Variants in GTF2H1 observed in about 807,000 individuals in gnomAD.
GTF2H1 encodes the protein BTF2 p62.
A neutral mutation model predicts 71.2 loss-of-function variants in GTF2H1; 16 were observed. The observed-to-expected ratio is 0.22, with a 90% CI of 0.15 to 0.34. The LOEUF (loss-of-function observed/expected upper bound fraction) is 0.34, where lower values mean the gene tolerates loss of function less well. GTF2H1 is among the 10% of genes least tolerant of loss of function. The probability of loss-of-function intolerance (pLI) is 1.00; values close to 1 mark genes in which losing one functional copy is unlikely to be tolerated. For synonymous variants in GTF2H1, 215 were observed against 219.0 expected, an observed-to-expected ratio of 0.98 and a Z score of 0.16; for missense variants, 498 against 648.2, an observed-to-expected ratio of 0.77 and a Z score of 2.52.
At chr11:18,347,256 C>G in intron 7 of GTF2H1, 1 of 171,156 alleles carries the variant, frequency 5.8e-6, no homozygotes, top group Admixed American at 6.0e-5. Flanking sequence ...CGCCTGTAAT[C>G]CCAGCTTCTC....
chr11:18,336,382 C>T (rs191464845), intron 3 of GTF2H1, among the ~76,000 whole-genome samples: 99 of 152,312 alleles, frequency 6.5e-4, no homozygotes, highest in African/African-American at 2.3e-3. Context: ...CCCACCTCAG[C>T]CTCCCAAAGT....
At chr11:18,342,655 CTTTAA>C (rs1161658160) in intron 7 of GTF2H1, among the ~76,000 whole-genome samples, 1 of 152,148 alleles carries the variant, frequency 6.6e-6, no homozygotes, top group Non-Finnish European at 1.5e-5. Context: ...ACATGGCCCT[CTTTAA>C]TTATCCTGAG....
intron 7 of GTF2H1, among the ~76,000 whole-genome samples, chr11:18,345,554 A>G (rs1194463999): frequency 6.9e-6 from 1 of 145,852 alleles, no homozygotes; most frequent in African/African-American, 2.6e-5. Context: ...GCTGGAGTTC[A>G]GTGGCGTGAT....
In GTF2H1 at chr11:18,323,100, G is replaced by T. The variant is rs538829346; in HGVS notation, c.-16+360G>T. 4.6e-5 allele frequency among the ~76,000 whole-genome samples: 7 copies of T among 152,228 alleles called. No homozygotes were observed. In the East Asian group the frequency reaches 1.4e-3, roughly 29 times the overall value. ...GTAAGAGAAAAGCTGTCACCTTGTT[G>T]TCTGCACACCTTTTGCTTCCACCTG... On this transcript the variant is annotated intron_variant, in intron 1 of 14. Coordinates refer to ENST00000265963, the MANE Select transcript of GTF2H1 (RefSeq NM_005316.4).
rs573444804 is a variant in GTF2H1 at position 18,339,302 on chromosome 11, T to A, written c.514-262T>A. On this transcript the variant is annotated intron_variant, in intron 4 of 14. Coordinates refer to ENST00000265963, the MANE Select transcript of GTF2H1 (RefSeq NM_005316.4). ...AGTTTTATCTTAAAGCTCCACTGCCTCTCTGCCTTCATACTTAAACATGCC... is the reference window on the plus strand; with the variant it reads ...AGTTTTATCTTAAAGCTCCACTGCCACTCTGCCTTCATACTTAAACATGCC... Among the ~76,000 whole-genome samples the A allele has an allele frequency of 4.9e-4, 75 of 152,342 alleles. 1 individual carries two copies. In the South Asian group the frequency reaches 0.016, roughly 32 times the overall value.
intron 4 of GTF2H1, among the ~76,000 whole-genome samples, chr11:18,338,720 A>T (rs953638245): frequency 6.6e-6 from 1 of 152,166 alleles, no homozygotes; most frequent in African/African-American, 2.4e-5. Flanking sequence ...AAGCTCTGGG[A>T]TTACAAGTAT....
rs1187193227 is a variant in GTF2H1 at position 18,366,613 on chromosome 11, T to G, written c.*744T>G. On this transcript the variant is annotated 3_prime_UTR_variant, in exon 15 of 15. Transcript: ENST00000265963. ...TTTGCAGAAAGTCGCATAGGGTTTT[T>G]TAATGCAGAATTTTGTCAGAAGACA... The G allele has an allele frequency of 2.0e-5, 3 of 152,654 alleles. No individual in the cohort carries two copies. The East Asian group carries it at 5.8e-4, about 29-fold the overall frequency. 9.5% of individuals were successfully genotyped at this position (152,654 alleles called of 1,614,324 possible).
In GTF2H1 at chr11:18,362,605, T is replaced by C. The variant is rs1457821386; in HGVS notation, c.1560+1898T>C. Among the ~76,000 whole-genome samples, 6 of 151,484 alleles carry C rather than the reference T, an allele frequency of 4.0e-5. No homozygotes were observed. In the South Asian group the frequency reaches 8.3e-4, roughly 21 times the overall value. ...CTTTGTATTCTTATTCTATAAGCCT[T>C]TCTCTCTCTCTTTCTCTCTCTCTCT... On this transcript the variant is annotated intron_variant, in intron 14 of 14. Transcript: ENST00000265963.
chr11:18,364,332 T>TCCATCC (rs1865773083), intron 14 of GTF2H1, among the ~76,000 whole-genome samples: 1 of 152,124 alleles, frequency 6.6e-6, no homozygotes, highest in South Asian at 2.1e-4. Flanking sequence ...GATCTCCATC[T>TCCATCC]CCATCCTCCC....
chr11:18,345,183 C>A (rs1446782608), intron 7 of GTF2H1, among the ~76,000 whole-genome samples: 1 of 151,520 alleles, frequency 6.6e-6, no homozygotes, highest in Non-Finnish European at 1.5e-5. Flanking sequence ...AGAGCGAGAA[C>A]CTGTCTCAAA....
chr11:18,326,821 G>A (rs528993529), intron 1 of GTF2H1, among the ~76,000 whole-genome samples: 11 of 152,090 alleles, frequency 7.2e-5, no homozygotes, highest in African/African-American at 1.4e-4. Flanking sequence ...CAACTTCCCC[G>A]TCAGATCCTC....
chr11:18,332,913 C>T, intron 1 of GTF2H1, 147 bp from the exon 2 acceptor site: 1 of 534,528 alleles, frequency 1.9e-6, no homozygotes, highest in Non-Finnish European at 3.2e-6. Context: ...TTATCTTCAA[C>T]TTTGAATGAG....
chr11:18,341,923 A>G (rs868254725), intron 7 of GTF2H1: 1 of 190,514 alleles, frequency 5.2e-6, no homozygotes, highest in African/African-American at 2.4e-5. Flanking sequence ...TTTAATCTAA[A>G]GAAATATGGA....
chr11:18,340,139 A>G lies in GTF2H1; in HGVS notation c.607+482A>G, dbSNP rs1271275325. ...GAATCTCTCTCTCAGGACTCAGCTC[A>G]AGCATCACCTCCTTGCCACCTCTAT... On this transcript the variant is annotated intron_variant, in intron 5 of 14. Coordinates refer to ENST00000265963, the MANE Select transcript of GTF2H1 (RefSeq NM_005316.4). Among the ~76,000 whole-genome samples, 3 of 152,052 alleles carry G rather than the reference A, an allele frequency of 2.0e-5. No homozygotes were observed. In the East Asian group the frequency reaches 5.8e-4, roughly 29 times the overall value.
intron 4 of GTF2H1, among the ~76,000 whole-genome samples, chr11:18,338,637 G>A (rs966620566): frequency 6.6e-6 from 1 of 152,000 alleles, no homozygotes; most frequent in Non-Finnish European, 1.5e-5. Flanking sequence ...AGGGCGGGGG[G>A]CAGCTCTTTT....
intron 5 of GTF2H1, among the ~76,000 whole-genome samples, chr11:18,340,027 G>T (rs1404544316): frequency 6.6e-6 from 1 of 151,752 alleles, no homozygotes; most frequent in East Asian, 1.9e-4. Flanking sequence ...CAGTGTGTCA[G>T]TCATTCTTCT....
intron 5 of GTF2H1, 48 bp downstream of exon 5, chr11:18,339,705 C>T: frequency 9.4e-7 from 1 of 1,058,276 alleles, no homozygotes; most frequent in Non-Finnish European, 1.4e-6. Context: ...TGGATATATT[C>T]TATAGTATAT....
chr11:18,365,779 T>C lies in GTF2H1; in HGVS notation c.1561-4T>C, dbSNP rs1368367555. 1.9e-6 allele frequency: 3 copies of C among 1,607,750 alleles called. No individual in the cohort carries two copies. The African/African-American group carries it at 4.0e-5, about 21-fold the overall frequency. On this transcript the variant is annotated splice_region_variant and splice_polypyrimidine_tract_variant and intron_variant, in intron 14 of 14. Coordinates refer to ENST00000265963, the MANE Select transcript of GTF2H1 (RefSeq NM_005316.4). ...GTTGTTAAGTGTCTTGCTGTGTTTTTCAGTTGGTAAGTCACATAGAAGAGA... is the reference window on the plus strand; with the variant it reads ...GTTGTTAAGTGTCTTGCTGTGTTTTCCAGTTGGTAAGTCACATAGAAGAGA...
At chr11:18,326,510 A>T (rs149737198) in intron 1 of GTF2H1, among the ~76,000 whole-genome samples, 33 of 122,198 alleles carry the variant, frequency 2.7e-4, no homozygotes, top group African/African-American at 1.1e-3. Context: ...TGACAGAACA[A>T]GACTCCTTCT....
Sources: allele counts gnomAD v4.1 joint callset (sites outside exome capture counted in the v4.1 genomes callset), GRCh38; gene constraint gnomAD v4.1.1; transcripts MANE v1.5; gene names NCBI Gene and HGNC (gene_info 2026-07-23, HGNC 2026-07-21).